Variants in WDR33 observed in about 807,000 individuals in gnomAD.
The protein encoded by WDR33 is WD repeat domain 33.
A neutral mutation model predicts 164.9 loss-of-function variants in WDR33; 47 were observed. The ratio of observed to expected loss-of-function variants is 0.29; its 90% CI spans 0.23 to 0.36. The LOEUF (loss-of-function observed/expected upper bound fraction) is 0.36, where lower values mean the gene tolerates loss of function less well. Ranked by LOEUF, WDR33 falls within the 10% of genes least tolerant of loss-of-function variation. WDR33 has a pLI of 1.00. For synonymous variants in WDR33, 505 were observed against 589.0 expected (o/e 0.86, Z 2.06); for missense variants, 1,137 against 1,754.1 (o/e 0.65, Z 6.28).
At chr2:127,747,725 C>T (rs1228651166) in intron 7 of WDR33, among the ~76,000 whole-genome samples, 1 of 152,174 alleles carries the variant, frequency 6.6e-6, no homozygotes, top group Non-Finnish European at 1.5e-5. Context: ...ATACTGCTGG[C>T]ATCATTTCAG....
chr2:127,762,086 T>C (rs1296995859), intron 7 of WDR33, among the ~76,000 whole-genome samples: 1 of 152,190 alleles, frequency 6.6e-6, no homozygotes, highest in African/African-American at 2.4e-5. Flanking sequence ...CTGCTGACTC[T>C]TGAACATAAG....
At chr2:127,731,051 T>C (rs540268606) in intron 7 of WDR33, among the ~76,000 whole-genome samples, 7 of 152,114 alleles carry the variant, frequency 4.6e-5, no homozygotes, top group South Asian at 4.1e-4. Context: ...CCCAGCACTT[T>C]GGGAGGCCAA....
rs1188136760 is a variant in WDR33, at chr2:127,723,500, T to G, written c.1197-153A>C. On this transcript the variant is annotated intron_variant, in intron 11 of 21. Coordinates refer to ENST00000322313, the MANE Select transcript of WDR33 (RefSeq NM_018383.5). The surrounding 1 kb of genome is among the most constrained non-coding windows in gnomAD (Gnocchi z 5.9). ...GTGAGGTCATACACTTTGGCTCACA[T>G]CTGTAATCCCAGCACTTTGGGAGGC... is the stretch of plus-strand genomic sequence containing the variant. 6.6e-6 allele frequency among the ~76,000 whole-genome samples: 1 copy of G among 152,202 alleles called. No individual in the cohort carries two copies. The highest frequency in any genetic ancestry group is 2.4e-5 in the African/African-American group (1 of 41,464).
At chr2:127,790,522 G>C (rs1295183384) in intron 1 of WDR33, among the ~76,000 whole-genome samples, 1 of 152,094 alleles carries the variant, frequency 6.6e-6, no homozygotes, top group Non-Finnish European at 1.5e-5. Context: ...TTAAATATTT[G>C]GTAGAAGTGG....
At chr2:127,791,332 C>A (rs1035289271) in intron 1 of WDR33, among the ~76,000 whole-genome samples, 1 of 151,972 alleles carries the variant, frequency 6.6e-6, no homozygotes, top group African/African-American at 2.4e-5. Context: ...CCCACACTTC[C>A]CATTTCATCA....
At chr2:127,809,371 T>C (rs1466125013) in intron 1 of WDR33, among the ~76,000 whole-genome samples, 2 of 151,906 alleles carry the variant, frequency 1.3e-5, no homozygotes, top group Non-Finnish European at 2.9e-5. Flanking sequence ...AGCCATCAGC[T>C]TCACAGATAA....
In WDR33 at chr2:127,738,105, A is replaced by C; in HGVS notation, c.725-11328T>G. 6.5e-7 allele frequency: 1 copy of C among 1,535,438 alleles called. No homozygotes were observed. The highest frequency in any genetic ancestry group is 8.8e-7 in the Non-Finnish European group (1 of 1,135,938). ...ACTCTTAAATACTGTGCAGGCAGGT[A>C]TCTATCACATGAGCCCTGGCAGATT... On this transcript the variant is annotated intron_variant, in intron 7 of 21. Coordinates refer to ENST00000322313, the MANE Select transcript of WDR33 (RefSeq NM_018383.5). This position sits in a 1 kb window ranked among gnomAD's most constrained non-coding sequence, Gnocchi z 4.4.
chr2:127,769,450 A>C (rs139040301), intron 2 of WDR33, among the ~76,000 whole-genome samples: 69 of 152,102 alleles, frequency 4.5e-4, no homozygotes, highest in Middle Eastern at 6.8e-3. Context: ...AACAAACAAA[A>C]AAAAAACCTT....
chr2:127,780,572 A>C (rs1315599436), intron 1 of WDR33, among the ~76,000 whole-genome samples: 2 of 152,232 alleles, frequency 1.3e-5, no homozygotes, highest in Non-Finnish European at 2.9e-5. Flanking sequence ...TGTTTAAATA[A>C]GTAGGTTTTG....
chr2:127,794,848 A>AG (rs1282962256), intron 1 of WDR33, among the ~76,000 whole-genome samples: 2,535 of 148,844 alleles, frequency 0.017, 65 homozygotes, highest in African/African-American at 0.053. Flanking sequence ...AAAAAAAAAA[A>AG]AAAAGAAAGA....
chr2:127,778,730 G>A (rs959699492), intron 1 of WDR33, among the ~76,000 whole-genome samples: 1 of 152,070 alleles, frequency 6.6e-6, no homozygotes, highest in Non-Finnish European at 1.5e-5. Flanking sequence ...AAGGGCAGGG[G>A]GTGTCAGGGG....
chr2:127,797,348 T>G (rs1689076286), intron 1 of WDR33, among the ~76,000 whole-genome samples: 1 of 151,780 alleles, frequency 6.6e-6, no homozygotes. Flanking sequence ...AAAAATTAGC[T>G]GGGCGTGGTG....
chr2:127,771,377 A>G (rs920902208), intron 1 of WDR33, among the ~76,000 whole-genome samples: 3 of 152,230 alleles, frequency 2.0e-5, no homozygotes, highest in Non-Finnish European at 2.9e-5. Context: ...GTGTCTAAAC[A>G]TAGAAAAAGA....
Position 127,800,055 on chromosome 2 carries a change from G to T in WDR33, c.-24+10957C>A, listed in dbSNP as rs13415397. Among the ~76,000 whole-genome samples the T allele has an allele frequency of 7.0e-3, 1,062 of 152,230 alleles. 10 individuals carry two copies. The highest frequency in any genetic ancestry group is 0.024 in the African/African-American group (1,011 of 41,532). ...ATTACAAAAGAATAGTGGTTGTTAG[G>T]CATAAAATAAACTGAAAATTAGGTG... On this transcript the variant is annotated intron_variant, in intron 1 of 21. Transcript: ENST00000322313.
Position 127,707,811 on chromosome 2 carries a change from A to C in WDR33, c.3781+866T>G, listed in dbSNP as rs1686055998. Among the ~76,000 whole-genome samples the C allele has an allele frequency of 2.6e-5, 4 of 152,300 alleles. No homozygotes were observed. In the South Asian group the frequency reaches 8.3e-4, roughly 32 times the overall value. ...AAAAGCCCATCTCTCTAAAAACACA[A>C]AAGCATGGTGGCGCACACCTGTAGT... is the stretch of plus-strand genomic sequence containing the variant. On this transcript the variant is annotated intron_variant, in intron 21 of 21. Transcript: ENST00000322313.
At chr2:127,711,780 A>ATATATATATTTTTTTTTTTTTTTTT in intron 18 of WDR33, among the ~76,000 whole-genome samples, 2 of 88,308 alleles carry the variant, frequency 2.3e-5, no homozygotes, top group African/African-American at 1.3e-4. Flanking sequence ...ATATATATAT[A>ATATATATATTTTTTTTTTTTTTTTT]TTTTTTTTTT....
rs1558921391 is a variant in WDR33, at chr2:127,716,373, TC to T, written c.2869+781del. Among the ~76,000 whole-genome samples, 1 of 152,150 alleles carries T rather than the reference TC, an allele frequency of 6.6e-6. No individual in the cohort carries two copies. The highest frequency in any genetic ancestry group is 1.5e-5 in the Non-Finnish European group (1 of 68,028). The stretch of plus-strand genomic sequence containing the variant: ...GTTCTGTGAAGGGCAATCTCTGCGG[TC>T]CTCCTGATTCTCCGAGTTGTGGTTT... On this transcript the variant is annotated intron_variant, in intron 17 of 21. Transcript: ENST00000322313. The surrounding 1 kb of genome is among the most constrained non-coding windows in gnomAD (Gnocchi z 4.5).
At position 127,702,853 on chromosome 2, in the gene WDR33, G is replaced by A. The variant is rs1685927571; in HGVS notation, c.*3470C>T. 1 of 166,782 alleles carries A rather than the reference G, an allele frequency of 6.0e-6. No individual in the cohort carries two copies. Among genetic ancestry groups the A allele is most frequent in the Non-Finnish European group, 1.5e-5 (1 of 68,114 alleles). 10.3% of individuals were successfully genotyped at this position (166,782 alleles called of 1,614,324 possible). On this transcript the variant is annotated 3_prime_UTR_variant, in exon 22 of 22. Transcript: ENST00000322313. ...CTGCCCCAAGAAGCATGGGATCCAG[G>A]AAGGGGCGCGTAGATGCTTAACGGT...
intron 1 of WDR33, among the ~76,000 whole-genome samples, chr2:127,787,284 G>A (rs1201493632): frequency 2.7e-5 from 3 of 110,450 alleles, no homozygotes; most frequent in Admixed American, 1.7e-4. Flanking sequence ...GCAACCATCC[G>A]ATTTCTCAAT....
Sources: gnomAD v4.1 joint callset for allele counts (sites outside exome capture counted in the v4.1 genomes callset) on GRCh38, gnomAD v4.1.1 for gene constraint, Gnocchi (gnomAD v3.1) non-coding constraint, MANE v1.5 for transcripts, NCBI Gene and HGNC (gene_info 2026-07-23, HGNC 2026-07-21) for gene names.